The following EMSY variants were observed in gnomAD, a reference collection of about 807,000 sequenced individuals.
The protein encoded by EMSY is EMSY transcriptional repressor, BRCA2 interacting.
Under a neutral mutation model 134.6 loss-of-function variants are expected in EMSY, and 26 were observed. That is an observed-to-expected ratio of 0.19 (90% CI 0.14 to 0.27). The LOEUF (loss-of-function observed/expected upper bound fraction) is 0.27, where lower values mean the gene tolerates loss of function less well. Ranked by LOEUF, EMSY falls within the 10% of genes least tolerant of loss-of-function variation. EMSY has a pLI of 1.00. For missense variants in EMSY, 1,305 were observed against 1,611.4 expected, an observed-to-expected ratio of 0.81 and a Z score of 3.26; for synonymous variants, 579 against 577.8, an observed-to-expected ratio of 1.00 and a Z score of -0.03.
chr11:76,466,969 G>A (rs1398288114), intron 7 of EMSY, among the ~76,000 whole-genome samples: 1 of 152,184 alleles, frequency 6.6e-6, no homozygotes, highest in Non-Finnish European at 1.5e-5. Flanking sequence ...TCCCTTGCAG[G>A]TATTTTATGG....
chr11:76,502,789 A>T (rs1219143368), intron 9 of EMSY, among the ~76,000 whole-genome samples: 2 of 152,208 alleles, frequency 1.3e-5, no homozygotes, highest in Non-Finnish European at 2.9e-5. Flanking sequence ...GAAATTAAAG[A>T]TCTAAATAAA....
At chr11:76,448,560 T>C (rs1947516908) in intron 2 of EMSY, among the ~76,000 whole-genome samples, 1 of 152,094 alleles carries the variant, frequency 6.6e-6, no homozygotes, top group South Asian at 2.1e-4. Context: ...CCTTTAAGTC[T>C]AAATTTATTC....
intron 9 of EMSY, among the ~76,000 whole-genome samples, chr11:76,503,323 A>AG (rs1555060667): frequency 7.0e-6 from 1 of 143,116 alleles, no homozygotes; most frequent in Non-Finnish European, 1.5e-5. Flanking sequence ...AAAAAAAAAA[A>AG]GAAGAAGAAG....
At chr11:76,486,123 CCAT>C (rs1949170062) in intron 8 of EMSY, among the ~76,000 whole-genome samples, 1 of 152,112 alleles carries the variant, frequency 6.6e-6, no homozygotes, top group Non-Finnish European at 1.5e-5. Context: ...AAGCTGGAAA[CCAT>C]CATTCTTGGC....
chr11:76,549,431 C>G (rs1951767395), intron 20 of EMSY, among the ~76,000 whole-genome samples: 1 of 152,196 alleles, frequency 6.6e-6, no homozygotes, highest in African/African-American at 2.4e-5. Context: ...TTTACTTACA[C>G]AGAGGTCTAC....
chr11:76,530,328 T>C (rs929227713), intron 14 of EMSY, among the ~76,000 whole-genome samples: 1 of 151,948 alleles, frequency 6.6e-6, no homozygotes, highest in Non-Finnish European at 1.5e-5. Flanking sequence ...CCCAGCTGAT[T>C]TTTTGTATTT....
exon 19 of EMSY, chr11:76,544,494 T>C (rs776410850): frequency 3.0e-5 from 49 of 1,613,972 alleles, no homozygotes; most frequent in Non-Finnish European, 3.9e-5. Context: ...ACCATCCACC[T>C]GCAGGCAGAC....
intron 9 of EMSY, among the ~76,000 whole-genome samples, chr11:76,501,678 AC>A (rs1949863563): frequency 6.6e-6 from 1 of 152,214 alleles, no homozygotes; most frequent in African/African-American, 2.4e-5. Context: ...AGAAAAGTTA[AC>A]AGAGCTTCAG....
In EMSY at chr11:76,536,070, A is replaced by G; in HGVS notation, c.2359+11A>G. The stretch of plus-strand genomic sequence containing the variant: ...TCCAACAGACAACAGGTATGAATTC[A>G]CATGCTCAATTGAATGAAGCATGTT... On this transcript the variant is annotated intron_variant, in intron 15 of 20. Transcript: ENST00000334736. The G allele has an allele frequency of 6.6e-7, 1 of 1,509,860 alleles. No individual in the cohort carries two copies. The highest frequency in any genetic ancestry group is 8.9e-7 in the Non-Finnish European group (1 of 1,123,714). 93.5% of individuals were successfully genotyped at this position (1,509,860 alleles called of 1,614,324 possible).
intron 10 of EMSY, 140 bp downstream of exon 11, chr11:76,513,675 C>A: frequency 1.3e-6 from 1 of 794,644 alleles, no homozygotes; most frequent in Non-Finnish European, 1.9e-6. Flanking sequence ...ATTCTCACAC[C>A]CCTACTGACT....
At chr11:76,544,665 C>T (rs142691082) in exon 19 of EMSY, 1 of 1,613,990 alleles carries the variant, frequency 6.2e-7, no homozygotes, top group Non-Finnish European at 8.5e-7. Flanking sequence ...ATGGCACAGC[C>T]CCCGCAAACT....
intron 8 of EMSY, among the ~76,000 whole-genome samples, chr11:76,480,098 G>A (rs1469227376): frequency 1.3e-5 from 2 of 152,184 alleles, no homozygotes; most frequent in Non-Finnish European, 2.9e-5. Context: ...GTCACCGCTG[G>A]TAACTATCTT....
At chr11:76,511,960 G>A (rs1950293494) in intron 9 of EMSY, among the ~76,000 whole-genome samples, 1 of 152,006 alleles carries the variant, frequency 6.6e-6, no homozygotes, top group South Asian at 2.1e-4. Context: ...AGATTATGTA[G>A]CCTGTCTAAT....
At chr11:76,501,960 G>A (rs1433074162) in intron 9 of EMSY, among the ~76,000 whole-genome samples, 1 of 149,392 alleles carries the variant, frequency 6.7e-6, no homozygotes. Flanking sequence ...TCACTTACAA[G>A]GAAATTGCAA....
chr11:76,515,309 AT>A (rs1038165284), intron 10 of EMSY, among the ~76,000 whole-genome samples: 1 of 149,286 alleles, frequency 6.7e-6, no homozygotes, highest in Non-Finnish European at 1.5e-5. Flanking sequence ...TATCTTAGTC[AT>A]TTTTTTTTCA....
intron 20 of EMSY, among the ~76,000 whole-genome samples, chr11:76,547,253 T>G (rs780004175): frequency 5.3e-5 from 8 of 152,222 alleles, no homozygotes; most frequent in Non-Finnish European, 1.0e-4. Flanking sequence ...ATGGTAAACT[T>G]TCTCTTTGCC....
intron 11 of EMSY, among the ~76,000 whole-genome samples, chr11:76,518,268 A>G (rs915219369): frequency 3.3e-5 from 5 of 150,554 alleles, no homozygotes; most frequent in African/African-American, 9.8e-5. Context: ...CCTGGGCTCA[A>G]GCAATCCTGA....
chr11:76,454,577 A>G (rs1203266565), intron 4 of EMSY, among the ~76,000 whole-genome samples, 172 bp from the exon 5 acceptor site: 1 of 152,172 alleles, frequency 6.6e-6, no homozygotes, highest in Non-Finnish European at 1.5e-5. Flanking sequence ...TTTATGTGCT[A>G]GAGAATAAAG....
Position 76,525,767 on chromosome 11 carries a change from TGA to T in EMSY, c.1822-693_1822-692del, listed in dbSNP as rs1191023004. Among the ~76,000 whole-genome samples, 5 of 152,244 alleles carry T rather than the reference TGA, an allele frequency of 3.3e-5. No individual in the cohort carries two copies. In the East Asian group the frequency reaches 9.6e-4, roughly 29 times the overall value. Reference sequence around the variant, plus strand: ...GAATAGTAAAACATAGGAAGCACTCTGAGTTTTCCCTTCCTTTTTTTCTATAT... The same window carrying T: ...GAATAGTAAAACATAGGAAGCACTCTGTTTTCCCTTCCTTTTTTTCTATAT... On this transcript the variant is annotated intron_variant, in intron 12 of 20. Coordinates refer to ENST00000334736, the Ensembl canonical transcript of EMSY.
Sources: gnomAD v4.1 joint callset for allele counts (sites outside exome capture counted in the v4.1 genomes callset) on GRCh38, gnomAD v4.1.1 for gene constraint, MANE v1.5 for transcripts, NCBI Gene and HGNC (gene_info 2026-07-23, HGNC 2026-07-21) for gene names.